Variants in CATSPERG observed in about 807,000 individuals in gnomAD.
CATSPERG encodes the protein cation channel sperm-associated auxiliary subunit gamma.
CATSPERG carries 115 observed loss-of-function variants against 145.0 expected under a neutral mutation model. The observed-to-expected ratio is 0.79, with a 90% CI of 0.68 to 0.93. The LOEUF (loss-of-function observed/expected upper bound fraction) is 0.93. Ranked by LOEUF, CATSPERG falls within the 40% of genes least tolerant of loss-of-function variation. The probability of loss-of-function intolerance (pLI) is 0.00; values close to 1 mark genes in which losing one functional copy is unlikely to be tolerated. For synonymous variants in CATSPERG, 588 were observed against 589.0 expected (o/e 1.00, Z 0.02); for missense variants, 1,296 against 1,490.1 (o/e 0.87, Z 2.14).
intron 3 of CATSPERG, among the ~76,000 whole-genome samples, chr19:38,342,789 G>A (rs1271958300): frequency 6.6e-6 from 1 of 151,762 alleles, no homozygotes; most frequent in African/African-American, 2.4e-5. Context: ...GCCTTCACTG[G>A]TGCTGTTCTG....
chr19:38,354,615 G>A, intron 8 of CATSPERG, 95 bp from the exon 9 acceptor site: 1 of 1,449,904 alleles, frequency 6.9e-7, no homozygotes, highest in Non-Finnish European at 9.4e-7. Context: ...TGAGAGGACA[G>A]ATAACAGGCT....
intron 7 of CATSPERG, among the ~76,000 whole-genome samples, chr19:38,347,737 T>C (rs1970064393): frequency 6.6e-6 from 1 of 152,138 alleles, no homozygotes; most frequent in Non-Finnish European, 1.5e-5. Context: ...GGTCAGGAGT[T>C]GCAGACCAGC....
Position 38,354,923 on chromosome 19 carries a change from C to T in CATSPERG, c.1135+76C>T, listed in dbSNP as rs1970216366. On this transcript the variant is annotated intron_variant, in intron 9 of 28. Transcript: ENST00000409235. ...CACCTCCGAGAATTCTAACCTTGGG[C>T]CCTCACTCATTACCATGTGCCCTGA... The T allele has an allele frequency of 3.3e-6, 5 of 1,523,826 alleles. No individual in the cohort carries two copies. In the East Asian group the frequency reaches 1.1e-4, roughly 35 times the overall value. The allele number at this position is 1,523,826 out of a possible 1,614,324, so 94.4% of individuals were successfully genotyped here. A position where few individuals can be genotyped will look rare whatever the true frequency, so the allele number is the denominator to read the frequency against.
intron 26 of CATSPERG, 78 bp from the exon 27 acceptor site, chr19:38,369,894 T>C (rs751129007): frequency 7.7e-5 from 103 of 1,345,790 alleles, no homozygotes; most frequent in African/African-American, 4.6e-4. Flanking sequence ...ACCGAAAACA[T>C]TGGGTGGAGG....
chr19:38,357,515 C>CAAAAA (rs3033507), intron 11 of CATSPERG, among the ~76,000 whole-genome samples: 9 of 134,128 alleles, frequency 6.7e-5, no homozygotes, highest in Admixed American at 1.5e-4. Context: ...GACCCGGTCT[C>CAAAAA]AAAAAAAAAA....
Position 38,337,270 on chromosome 19 carries a change from G to A in CATSPERG, c.36G>A (p.Pro12=). The change falls in exon 2 of 29, where the codon CCG becomes CCA. Residue 12 remains proline (P), a synonymous_variant. Coordinates refer to ENST00000409235, the MANE Select transcript of CATSPERG (RefSeq NM_021185.5). The part of the protein sequence containing the change: ...CGPAMFPAGP[P]WPRVRVVQVL... ...CAGCCATGTTCCCTGCCGGTCCTCCGTGGCCCAGAGTCCGAGTCGTGCAGG... is the reference window on the plus strand; with the variant it reads ...CAGCCATGTTCCCTGCCGGTCCTCCATGGCCCAGAGTCCGAGTCGTGCAGG... The A allele has an allele frequency of 6.4e-7, 1 of 1,551,416 alleles. No homozygotes were observed. The highest frequency in any genetic ancestry group is 1.2e-5 in the South Asian group (1 of 84,062).
rs766087409 is a variant in CATSPERG, at chr19:38,359,593, C to T, written c.1608+12C>T. ...CAGAGACGGAGGAGGTGGGCTGCCCCGCCCCTCTCCCCGTTCCCTCTCTGC... is the reference window on the plus strand; with the variant it reads ...CAGAGACGGAGGAGGTGGGCTGCCCTGCCCCTCTCCCCGTTCCCTCTCTGC... On this transcript the variant is annotated intron_variant, in intron 14 of 28. Coordinates refer to ENST00000409235, the MANE Select transcript of CATSPERG (RefSeq NM_021185.5). 42 of 1,605,580 alleles carry T rather than the reference C, an allele frequency of 2.6e-5. No homozygotes were observed. Among genetic ancestry groups the T allele is most frequent in the Middle Eastern group, 2.0e-4 (1 of 5,006 alleles).
At chr19:38,347,984 G>C in intron 7 of CATSPERG, among the ~76,000 whole-genome samples, 1 of 151,756 alleles carries the variant, frequency 6.6e-6, no homozygotes, top group East Asian at 1.9e-4. Flanking sequence ...TCCCATCAAG[G>C]TCAAAAGCCC....
At chr19:38,349,092 G>T (rs4804046) in intron 7 of CATSPERG, 28,399 of 152,020 alleles carry the variant, frequency 0.19, 2,829 homozygotes, top group South Asian at 0.26. Context: ...ATCGCCACAC[G>T]TAGAAACTAC....
intron 3 of CATSPERG, among the ~76,000 whole-genome samples, chr19:38,338,234 C>T (rs552212910): frequency 3.9e-5 from 6 of 152,080 alleles, no homozygotes; most frequent in Admixed American, 3.3e-4. Context: ...CTGCAAGCTC[C>T]GCCTCCTGGG....
At chr19:38,366,891 A>G (rs112714074) in intron 22 of CATSPERG, 5,857 of 440,678 alleles carry the variant, frequency 0.013, 176 homozygotes, top group African/African-American at 0.074. Context: ...ACAGGGTTTT[A>G]CTGTGCTGGC....
rs968117748 is a variant in CATSPERG, at chr19:38,337,518, G to A, written c.270+14G>A. 5 of 1,551,876 alleles carry A rather than the reference G, an allele frequency of 3.2e-6. No homozygotes were observed. The African/African-American group carries it at 6.8e-5, about 21-fold the overall frequency. ...GACCCGAGCGAGGTGAGGGGACCAGGGTCAAGTGAACCAGAGGGATTTTGA... is the reference window on the plus strand; with the variant it reads ...GACCCGAGCGAGGTGAGGGGACCAGAGTCAAGTGAACCAGAGGGATTTTGA... On this transcript the variant is annotated intron_variant, in intron 2 of 28. Coordinates refer to ENST00000409235, the MANE Select transcript of CATSPERG (RefSeq NM_021185.5).
chr19:38,361,992 G>GGGGGGGGGGGT, intron 17 of CATSPERG, 131 bp downstream of exon 17: 1 of 347,378 alleles, frequency 2.9e-6, no homozygotes, highest in Non-Finnish European at 5.6e-6. Flanking sequence ...GTGGGCGGGG[G>GGGGGGGGGGGT]ACCTGGGGGC....
chr19:38,364,125 G>A (rs1240651060), intron 20 of CATSPERG, among the ~76,000 whole-genome samples: 6 of 151,632 alleles, frequency 4.0e-5, no homozygotes, highest in Admixed American at 1.3e-4. Context: ...CGGACGGGGC[G>A]GCTGGCCTGG....
At chr19:38,357,543 G>A (rs975888674) in intron 11 of CATSPERG, among the ~76,000 whole-genome samples, 2 of 149,170 alleles carry the variant, frequency 1.3e-5, no homozygotes, top group East Asian at 2.0e-4. Context: ...AGAGCCAGGC[G>A]TGGTGGCTCG....
chr19:38,336,390 T>A (rs1472764359), intron 1 of CATSPERG: 2 of 342,236 alleles, frequency 5.8e-6, no homozygotes, highest in African/African-American at 2.2e-5. Flanking sequence ...GAAGAACCAA[T>A]CGCCGAGAAC....
At chr19:38,340,471 C>T (rs1314099897) in intron 3 of CATSPERG, among the ~76,000 whole-genome samples, 2 of 151,888 alleles carry the variant, frequency 1.3e-5, no homozygotes, top group African/African-American at 2.4e-5. Context: ...CAGATGTGCG[C>T]CACCACGCCC....
chr19:38,335,869 G>A lies in CATSPERG; in HGVS notation c.-21G>A. The A allele has an allele frequency of 4.1e-6, 1 of 244,628 alleles. No individual in the cohort carries two copies. The highest frequency in any genetic ancestry group is 2.3e-5 in the African/African-American group (1 of 42,988). 15.2% of individuals were successfully genotyped at this position (244,628 alleles called of 1,614,324 possible). On this transcript the variant is annotated 5_prime_UTR_variant, in exon 1 of 29. The change creates a new upstream start codon in the 5' untranslated region. Coordinates refer to ENST00000409235, the MANE Select transcript of CATSPERG (RefSeq NM_021185.5). ...GTGACAGTTGACCGGTTTTAACCAAGTGACTGGTACCACGGGGCCGGGGAA... is the reference window on the plus strand; with the variant it reads ...GTGACAGTTGACCGGTTTTAACCAAATGACTGGTACCACGGGGCCGGGGAA...
chr19:38,359,401 T>A, intron 13 of CATSPERG, 69 bp from the exon 14 acceptor site: 1 of 966,264 alleles, frequency 1.0e-6, no homozygotes, highest in Non-Finnish European at 1.7e-6. Flanking sequence ...GGCTCCCGTG[T>A]TATTAGGCCT....
Sources: allele counts gnomAD v4.1 joint callset (sites outside exome capture counted in the v4.1 genomes callset), GRCh38; gene constraint gnomAD v4.1.1; transcripts MANE v1.5; gene names NCBI Gene and HGNC (gene_info 2026-07-23, HGNC 2026-07-21).